The following AGBL4 variants were observed in gnomAD, a reference collection of about 807,000 sequenced individuals.
The protein encoded by AGBL4 is AGBL carboxypeptidase 4, also known as cytosolic carboxypeptidase 6.
A neutral mutation model predicts 66.4 loss-of-function variants in AGBL4; 58 were observed. The observed-to-expected ratio is 0.87, with a 90% CI of 0.71 to 1.09. AGBL4 has a LOEUF of 1.09. Among genes scored for constraint, AGBL4 ranks in the 50% least tolerant of loss-of-function variants. The probability of loss-of-function intolerance (pLI) is 0.00; values close to 1 mark genes in which losing one functional copy is unlikely to be tolerated. For synonymous variants in AGBL4, 234 were observed against 222.9 expected, an observed-to-expected ratio of 1.05 and a Z score of -0.44; for missense variants, 579 against 631.0, an observed-to-expected ratio of 0.92 and a Z score of 0.88.
intron 5 of AGBL4, among the ~76,000 whole-genome samples, chr1:48,914,553 A>G (rs1653422889): frequency 6.6e-6 from 1 of 152,218 alleles, no homozygotes; most frequent in African/African-American, 2.4e-5. Flanking sequence ...TATGGAAGAG[A>G]CTTTACCAAA....
At chr1:49,246,291 C>T (rs1651637576) in intron 3 of AGBL4, among the ~76,000 whole-genome samples, 1 of 151,956 alleles carries the variant, frequency 6.6e-6, no homozygotes, top group Non-Finnish European at 1.5e-5. Flanking sequence ...TATCCTTTCT[C>T]TTGGCTGACC....
At chr1:49,104,515 A>G (rs1222764257) in intron 4 of AGBL4, among the ~76,000 whole-genome samples, 2 of 152,094 alleles carry the variant, frequency 1.3e-5, no homozygotes, top group African/African-American at 2.4e-5. Context: ...AACTTCTTGG[A>G]TTACTTATTT....
At chr1:48,749,047 G>A (rs539771050) in intron 6 of AGBL4, among the ~76,000 whole-genome samples, 6 of 152,050 alleles carry the variant, frequency 3.9e-5, no homozygotes, top group Non-Finnish European at 7.4e-5. Flanking sequence ...CCTTTCCAAG[G>A]GGGAGAAGCC....
chr1:48,661,451 G>A (rs1291679500), intron 7 of AGBL4, among the ~76,000 whole-genome samples: 1 of 152,246 alleles, frequency 6.6e-6, no homozygotes, highest in Non-Finnish European at 1.5e-5. Flanking sequence ...CCAGGTGAGA[G>A]CCAGATGACA....
intron 4 of AGBL4, among the ~76,000 whole-genome samples, chr1:49,138,786 G>C (rs1354568259): frequency 6.6e-6 from 1 of 152,164 alleles, no homozygotes; most frequent in Non-Finnish European, 1.5e-5. Context: ...ATAGTATCCA[G>C]GGAGAAACTT....
At chr1:49,851,298 T>A in intron 2 of AGBL4, 98 bp downstream of exon 2, 2 of 1,257,870 alleles carry the variant, frequency 1.6e-6, no homozygotes. Context: ...AAATATTAAA[T>A]GAGTTGAATT....
At chr1:49,842,031 C>T (rs904014479) in intron 2 of AGBL4, 9 of 390,874 alleles carry the variant, frequency 2.3e-5, no homozygotes, top group Non-Finnish European at 4.3e-5. Context: ...CCCATATTCA[C>T]GTGCAGCCTC....
intron 2 of AGBL4, among the ~76,000 whole-genome samples, chr1:49,814,949 T>C (rs541418021): frequency 6.6e-6 from 1 of 152,288 alleles, no homozygotes; most frequent in African/African-American, 2.4e-5. Flanking sequence ...AGACGTGCAA[T>C]GCAATGTGTA....
chr1:49,733,097 C>A (rs891841789), intron 2 of AGBL4, among the ~76,000 whole-genome samples: 5 of 152,260 alleles, frequency 3.3e-5, no homozygotes, highest in African/African-American at 9.6e-5. Context: ...TGACTTTCAT[C>A]AGAGCCAAAG....
intron 2 of AGBL4, among the ~76,000 whole-genome samples, chr1:49,703,679 T>C (rs1220916824): frequency 6.6e-6 from 1 of 152,026 alleles, no homozygotes; most frequent in Middle Eastern, 3.2e-3. Context: ...TAGGGTGTCC[T>C]TCTATTCAAC....
chr1:49,407,872 T>C (rs145635524), intron 3 of AGBL4, among the ~76,000 whole-genome samples: 1 of 152,306 alleles, frequency 6.6e-6, no homozygotes, highest in East Asian at 1.9e-4. Context: ...ATCTGTATGA[T>C]GTGTGTTCCT....
Position 48,663,232 on chromosome 1 carries a change from C to T in AGBL4, c.644G>A (p.Arg215Gln), listed in dbSNP as rs75333004. 4.2e-3 allele frequency: 6,777 copies of T among 1,613,756 alleles called. 226 individuals are homozygous for T. The African/African-American group carries it at 0.076, about 18-fold the overall frequency. ...LLTITSPDNLREGAEQKVVFI... is the reference protein window; with the variant it reads ...LLTITSPDNLQEGAEQKVVFI... ...TACCACCTTCTGCTCTGCCCCTTCC[C>T]GGAGATTGTCTGTAAGATAAAATGA... Residue 215 changes from arginine to glutamine, a missense_variant, in exon 7 of 14, where the codon CGG becomes CAG. Physicochemically the swap from Arg to Gln is conservative, Grantham distance 43. Coordinates refer to ENST00000371839, the MANE Select transcript of AGBL4 (RefSeq NM_032785.4).
intron 9 of AGBL4, among the ~76,000 whole-genome samples, chr1:48,622,808 ATAGT>A (rs1396706155): frequency 6.6e-6 from 1 of 152,146 alleles, no homozygotes; most frequent in African/African-American, 2.4e-5. Flanking sequence ...TATACTAATA[ATAGT>A]TAAATTTTTT....
At chr1:49,782,213 C>T (rs1644353303) in intron 2 of AGBL4, among the ~76,000 whole-genome samples, 1 of 151,834 alleles carries the variant, frequency 6.6e-6, no homozygotes. Context: ...AAACCAAAAA[C>T]TTTAGCTAGA....
At chr1:48,694,974 T>G (rs533263745) in intron 6 of AGBL4, among the ~76,000 whole-genome samples, 1 of 152,366 alleles carries the variant, frequency 6.6e-6, no homozygotes, top group South Asian at 2.1e-4. Flanking sequence ...CACTTGGTTA[T>G]TCTAACCTCT....
At chr1:49,506,692 G>C (rs1648719333) in intron 3 of AGBL4, among the ~76,000 whole-genome samples, 2 of 151,964 alleles carry the variant, frequency 1.3e-5, no homozygotes, top group African/African-American at 2.4e-5. Context: ...TTTATTACCT[G>C]TGTAAGAGTG....
At chr1:49,692,809 TG>T (rs1028664615) in intron 3 of AGBL4, among the ~76,000 whole-genome samples, 3 of 152,206 alleles carry the variant, frequency 2.0e-5, no homozygotes, top group African/African-American at 7.2e-5. Context: ...TGCATGTGTA[TG>T]TTTAAACTAC....
At chr1:49,144,478 T>C (rs1163877376) in intron 4 of AGBL4, among the ~76,000 whole-genome samples, 3 of 151,174 alleles carry the variant, frequency 2.0e-5, no homozygotes, top group African/African-American at 7.3e-5. Flanking sequence ...GGAGTCATGC[T>C]TAAAGGCCCA....
At chr1:49,114,753 G>T (rs1645481458) in intron 4 of AGBL4, among the ~76,000 whole-genome samples, 1 of 152,068 alleles carries the variant, frequency 6.6e-6, no homozygotes, top group African/African-American at 2.4e-5. Context: ...GGAATACAGG[G>T]GCCTGAGGTG....
Sources: gnomAD v4.1 joint callset for allele counts (sites outside exome capture counted in the v4.1 genomes callset) on GRCh38, gnomAD v4.1.1 for gene constraint, MANE v1.5 for transcripts, NCBI Gene and HGNC (gene_info 2026-07-23, HGNC 2026-07-21) for gene names.